C1QTNF1: variants seen among roughly 807,000 people sequenced by gnomAD.
C1QTNF1 encodes C1q and TNF related 1, also known as complement C1q tumor necrosis factor-related protein 1.
Under a neutral mutation model 27.8 loss-of-function variants are expected in C1QTNF1, and 22 were observed. That is an observed-to-expected ratio of 0.79 (90% CI 0.56 to 1.13). The LOEUF (loss-of-function observed/expected upper bound fraction) is 1.13, where lower values mean the gene tolerates loss of function less well. C1QTNF1 is among the 50% of genes most tolerant of loss of function. The probability of loss-of-function intolerance (pLI) is 0.00; values close to 1 mark genes in which losing one functional copy is unlikely to be tolerated. For missense variants in C1QTNF1, 373 were observed against 380.2 expected, an observed-to-expected ratio of 0.98 and a Z score of 0.16; for synonymous variants, 166 against 154.3, an observed-to-expected ratio of 1.08 and a Z score of -0.56.
Position 79,030,279 on chromosome 17 carries a change from T to C in C1QTNF1, c.-15+5785T>C, listed in dbSNP as rs139830199. On this transcript the variant is annotated intron_variant, in intron 1 of 3. Coordinates refer to ENST00000579760, the MANE Select transcript of C1QTNF1 (RefSeq NM_030968.5). The stretch of plus-strand genomic sequence containing the variant: ...TATTTTCATCACCGCAGATAATTGC[T>C]GTTGGCAGCCTGGTGGGTGGCCTTT... 3.0e-4 allele frequency among the ~76,000 whole-genome samples: 46 copies of C among 152,128 alleles called. No homozygotes were observed. The East Asian group carries it at 8.9e-3, about 30-fold the overall frequency.
At chr17:79,030,811 G>A (rs558047489) in intron 1 of C1QTNF1, among the ~76,000 whole-genome samples, 12 of 151,986 alleles carry the variant, frequency 7.9e-5, no homozygotes, top group African/African-American at 2.4e-4. Flanking sequence ...ATGTTGGTCA[G>A]GATGATATTG....
At chr17:79,045,989 T>C (rs2072560865) in intron 2 of C1QTNF1, among the ~76,000 whole-genome samples, 1 of 152,080 alleles carries the variant, frequency 6.6e-6, no homozygotes, top group Non-Finnish European at 1.5e-5. Flanking sequence ...CTCTACAGCC[T>C]GGGCAAGAAG....
chr17:79,041,936 C>T (rs1466962752), intron 1 of C1QTNF1: 2 of 152,010 alleles, frequency 1.3e-5, no homozygotes, highest in African/African-American at 4.8e-5. Context: ...AGGATTTTAA[C>T]TTTCCTTAGA....
chr17:79,044,122 A>G lies in C1QTNF1; in HGVS notation c.154A>G (p.Arg52Gly). Residue 52 changes from arginine to glycine, a missense_variant and splice_region_variant, in exon 2 of 4, where the codon AGG becomes GGG. Coordinates refer to ENST00000579760, the MANE Select transcript of C1QTNF1 (RefSeq NM_030968.5). Reference protein sequence around the residue: ...ELPSPPDHAERAEEQHEKYRP... With the variant: ...ELPSPPDHAEGAEEQHEKYRP... ...GCCGTCGCCTCCGGACCATGCCGAGAGGTGAGGGGCCACGAGGGTGTAATA... is the reference window on the plus strand; with the variant it reads ...GCCGTCGCCTCCGGACCATGCCGAGGGGTGAGGGGCCACGAGGGTGTAATA... The G allele has an allele frequency of 6.2e-7, 1 of 1,605,274 alleles. No homozygotes were observed. The highest frequency in any genetic ancestry group is 8.5e-7 in the Non-Finnish European group (1 of 1,174,932).
intron 1 of C1QTNF1, chr17:79,043,211 C>T (rs1173431394): frequency 1.1e-5 from 5 of 443,424 alleles, no homozygotes; most frequent in African/African-American, 9.3e-5. Context: ...GTGTGGATTG[C>T]ATGTGTGTGT....
intron 1 of C1QTNF1, among the ~76,000 whole-genome samples, chr17:79,026,283 G>A (rs1046624152): frequency 1.3e-5 from 2 of 152,052 alleles, no homozygotes; most frequent in African/African-American, 2.4e-5. Context: ...AGCCTCCCAA[G>A]TAGCTGGATT....
chr17:79,030,517 C>CTTTCTTTCTTTCTTTCTTTCT (rs1555670032), intron 1 of C1QTNF1, among the ~76,000 whole-genome samples: 4 of 104,790 alleles, frequency 3.8e-5, no homozygotes, highest in Non-Finnish European at 7.8e-5. Context: ...TTCTTTCTTT[C>CTTTCTTTCTTTCTTTCTTTCT]TTTCTTTCTT....
chr17:79,036,293 GC>G (rs1427442621), intron 1 of C1QTNF1, among the ~76,000 whole-genome samples: 1 of 152,202 alleles, frequency 6.6e-6, no homozygotes, highest in African/African-American at 2.4e-5. Context: ...TCTTGCCTCA[GC>G]CTCCAGAGTA....
At chr17:79,033,577 G>A (rs926314498) in intron 1 of C1QTNF1, among the ~76,000 whole-genome samples, 1 of 151,858 alleles carries the variant, frequency 6.6e-6, no homozygotes, top group Non-Finnish European at 1.5e-5. Context: ...GTGGTGGCAT[G>A]TGCTTGTAGT....
At position 79,047,518 on chromosome 17, in the gene C1QTNF1, C is replaced by A; in HGVS notation, c.296-20C>A. The stretch of plus-strand genomic sequence containing the variant: ...ACCGGATTGCTCCATTAACAGCACG[C>A]GTTTTCCCATCCCTTTTAGGGGAGA... On this transcript the variant is annotated intron_variant, in intron 3 of 3. Coordinates refer to ENST00000579760, the MANE Select transcript of C1QTNF1 (RefSeq NM_030968.5). The A allele has an allele frequency of 1.3e-6, 2 of 1,518,296 alleles. No individual in the cohort carries two copies. The highest frequency in any genetic ancestry group is 8.8e-7 in the Non-Finnish European group (1 of 1,135,120). The allele number at this position is 1,518,296 out of a possible 1,614,324, so 94.1% of individuals were successfully genotyped here.
intron 1 of C1QTNF1, among the ~76,000 whole-genome samples, chr17:79,030,483 CTT>C (rs151151245): frequency 0.051 from 3,445 of 67,568 alleles, 64 homozygotes; most frequent in East Asian, 0.2. Flanking sequence ...TTCTTTCTTT[CTT>C]TTTCTTTCTT....
At chr17:79,041,227 G>A (rs2072399387) in intron 1 of C1QTNF1, among the ~76,000 whole-genome samples, 1 of 152,174 alleles carries the variant, frequency 6.6e-6, no homozygotes, top group Non-Finnish European at 1.5e-5. Flanking sequence ...CGCATGGGAG[G>A]GACAGCTGGC....
At chr17:79,034,463 A>G (rs1204631788) in intron 1 of C1QTNF1, 2 of 152,330 alleles carry the variant, frequency 1.3e-5, no homozygotes, top group Non-Finnish European at 2.9e-5. Context: ...CCGATGCCTG[A>G]CGGCTCATGC....
intron 1 of C1QTNF1, among the ~76,000 whole-genome samples, chr17:79,036,516 T>A (rs944605396): frequency 3.3e-5 from 5 of 152,224 alleles, no homozygotes; most frequent in African/African-American, 1.2e-4. Context: ...ATGCGGCTAG[T>A]GTAGCTGAAG....
At chr17:79,030,072 C>T (rs189791022) in intron 1 of C1QTNF1, among the ~76,000 whole-genome samples, 1 of 152,242 alleles carries the variant, frequency 6.6e-6, no homozygotes, top group East Asian at 1.9e-4. Flanking sequence ...TTCTCCCCAT[C>T]CTACTCTTCT....
chr17:79,037,115 C>G (rs1179625431), intron 1 of C1QTNF1, among the ~76,000 whole-genome samples: 1 of 151,636 alleles, frequency 6.6e-6, no homozygotes, highest in Non-Finnish European at 1.5e-5. Context: ...TTCACCATGC[C>G]CAGCTATTTT....
intron 1 of C1QTNF1, among the ~76,000 whole-genome samples, chr17:79,030,507 T>G (rs2072107296): frequency 7.0e-6 from 1 of 143,330 alleles, no homozygotes; most frequent in South Asian, 2.2e-4. Flanking sequence ...CTTTCTTTCT[T>G]TCTTTCTTTC....
chr17:79,025,365 C>A (rs117716478), intron 1 of C1QTNF1, among the ~76,000 whole-genome samples: 9 of 152,080 alleles, frequency 5.9e-5, no homozygotes, highest in African/African-American at 2.2e-4. Flanking sequence ...ACCCTTGGGC[C>A]GACTCATCCC....
rs544696093 is a variant in C1QTNF1, at chr17:79,048,157, C to T, written c.*69C>T. 137 of 1,399,792 alleles carry T rather than the reference C, an allele frequency of 9.8e-5. No individual in the cohort carries two copies. In the African/African-American group the frequency reaches 1.6e-3, roughly 16 times the overall value. The allele number at this position is 1,399,792 out of a possible 1,614,324, so 86.7% of individuals were successfully genotyped here. A position where few individuals can be genotyped will look rare whatever the true frequency, so the allele number is the denominator to read the frequency against. On this transcript the variant is annotated 3_prime_UTR_variant, in exon 4 of 4. Transcript: ENST00000579760. ...GCTGTGCTGACCCCACCGCCTCTTC[C>T]CCGATCCCTGGACTCCGACTCCCTG... is the stretch of plus-strand genomic sequence containing the variant.
Sources: gnomAD v4.1 joint callset for allele counts (sites outside exome capture counted in the v4.1 genomes callset) on GRCh38, gnomAD v4.1.1 for gene constraint, MANE v1.5 for transcripts, NCBI Gene and HGNC (gene_info 2026-07-23, HGNC 2026-07-21) for gene names.